The following HSPA4L variants were observed in gnomAD, a reference collection of about 807,000 sequenced individuals.
HSPA4L encodes heat shock 70 kDa protein 4L.
A neutral mutation model predicts 100.3 loss-of-function variants in HSPA4L; 48 were observed. The ratio of observed to expected loss-of-function variants is 0.48; its 90% CI spans 0.38 to 0.61. The LOEUF is 0.61. Ranked by LOEUF, HSPA4L falls within the 20% of genes least tolerant of loss-of-function variation. The probability of loss-of-function intolerance (pLI) is 0.00; values close to 1 mark genes in which losing one functional copy is unlikely to be tolerated. For missense variants in HSPA4L, 886 were observed against 988.6 expected, an observed-to-expected ratio of 0.90 and a Z score of 1.39; for synonymous variants, 319 against 328.2, an observed-to-expected ratio of 0.97 and a Z score of 0.30.
At chr4:127,798,888 A>G (rs1223244241) in intron 4 of HSPA4L, among the ~76,000 whole-genome samples, 179 bp downstream of exon 4, 1 of 152,224 alleles carries the variant, frequency 6.6e-6, no homozygotes, top group African/African-American at 2.4e-5. Flanking sequence ...TGAATTTCCC[A>G]TAAAATCAAT....
intron 2 of HSPA4L, among the ~76,000 whole-genome samples, chr4:127,794,437 T>A (rs968357508): frequency 6.6e-6 from 1 of 152,074 alleles, no homozygotes; most frequent in Non-Finnish European, 1.5e-5. Context: ...ATGAGGGATA[T>A]TCTGTCTAGA....
Position 127,788,002 on chromosome 4 carries a change from A to G in HSPA4L, c.107+5345A>G, listed in dbSNP as rs534231735. On this transcript the variant is annotated intron_variant, in intron 1 of 18. Coordinates refer to ENST00000296464, the MANE Select transcript of HSPA4L (RefSeq NM_014278.4). ...CTCCTGGTCTAAACAATTATAACCA[A>G]AAGAATTTTAACATTGTTACGCATT... 5.3e-5 allele frequency among the ~76,000 whole-genome samples: 8 copies of G among 152,306 alleles called. No homozygotes were observed. The South Asian group carries it at 1.5e-3, about 28-fold the overall frequency.
intron 1 of HSPA4L, chr4:127,783,767 C>A: frequency 8.9e-7 from 1 of 1,124,878 alleles, no homozygotes; most frequent in South Asian, 1.4e-5. Flanking sequence ...GTCCAATGGT[C>A]TTTAAATGCC....
chr4:127,818,867 C>G (rs1167419014), intron 13 of HSPA4L, among the ~76,000 whole-genome samples: 10 of 150,592 alleles, frequency 6.6e-5, no homozygotes, highest in African/African-American at 2.4e-4. Context: ...CACATGTGCC[C>G]TTGAACTTAA....
At position 127,832,901 on chromosome 4, in the gene HSPA4L, C is replaced by G. The variant is rs1446002574; in HGVS notation, c.*27C>G. On this transcript the variant is annotated 3_prime_UTR_variant, in exon 19 of 19. Transcript: ENST00000296464. ...TCTTAATTTTACCTTCACATTAATT[C>G]AAACCGTGCAAGTAACCACGGGGTC... 6.5e-7 allele frequency: 1 copy of G among 1,543,006 alleles called. No individual in the cohort carries two copies. Among genetic ancestry groups the G allele is most frequent in the Non-Finnish European group, 8.8e-7 (1 of 1,133,996 alleles).
chr4:127,832,691 T>A lies in HSPA4L; in HGVS notation c.2337T>A (p.Asp779Glu). 1 of 1,604,378 alleles carries A rather than the reference T, an allele frequency of 6.2e-7. No individual in the cohort carries two copies. The highest frequency in any genetic ancestry group is 8.5e-7 in the Non-Finnish European group (1 of 1,175,900). Reference protein sequence around the residue: ...SEIVAKSKELDNFCNPIIYKP... With the variant: ...SEIVAKSKELENFCNPIIYKP... ...TTTCTTCATGTCTTTAGGAACTGGA[T>A]AATTTCTGTAACCCCATCATTTACA... Residue 779 changes from aspartate (D) to glutamate (E), a missense_variant, in exon 19 of 19, where the codon GAT (aspartate) becomes GAA (glutamate). Physicochemically the swap from Asp to Glu is conservative, Grantham distance 45. Coordinates refer to ENST00000296464, the MANE Select transcript of HSPA4L (RefSeq NM_014278.4).
intron 14 of HSPA4L, among the ~76,000 whole-genome samples, chr4:127,821,942 G>T (rs570411297): frequency 3.9e-5 from 6 of 152,132 alleles, no homozygotes; most frequent in Admixed American, 2.6e-4. Context: ...GTTTTCTTTT[G>T]TTTTTTAACA....
intron 1 of HSPA4L, among the ~76,000 whole-genome samples, chr4:127,789,803 T>G (rs1732823211): frequency 6.6e-6 from 1 of 152,186 alleles, no homozygotes; most frequent in Admixed American, 6.5e-5. Context: ...CAGCCTAATA[T>G]GTGTTATAAT....
intron 1 of HSPA4L, chr4:127,783,707 T>C (rs2076640865): frequency 6.6e-7 from 1 of 1,524,906 alleles, no homozygotes; most frequent in African/African-American, 1.4e-5. Context: ...ATTTGACCGT[T>C]CTGAATGGTC....
At chr4:127,820,633 T>C in intron 14 of HSPA4L, 68 bp downstream of exon 14, 1 of 1,472,032 alleles carries the variant, frequency 6.8e-7, no homozygotes, top group Non-Finnish European at 9.3e-7. Context: ...AAGTCAATGA[T>C]TATCTCCAAA....
chr4:127,829,816 T>C (rs920168157), intron 17 of HSPA4L, among the ~76,000 whole-genome samples: 1 of 150,792 alleles, frequency 6.6e-6, no homozygotes, highest in African/African-American at 2.4e-5. Flanking sequence ...TGAATGAGGA[T>C]GAACTGGCAA....
rs1413967885 is a variant in HSPA4L, at chr4:127,835,732, C to A, written c.*2858C>A. 1 of 150,440 alleles carries A rather than the reference C, an allele frequency of 6.6e-6. No homozygotes were observed. Among genetic ancestry groups the A allele is most frequent in the Non-Finnish European group, 1.5e-5 (1 of 67,554 alleles). The allele number at this position is 150,440 out of a possible 1,614,324, so 9.3% of individuals were successfully genotyped here. ...AAAAAACAAAAATTCTTCCAAAAAA[C>A]TAGAAAGAGCACAGCAAAGAATTTG... On this transcript the variant is annotated 3_prime_UTR_variant, in exon 19 of 19. Transcript: ENST00000296464.
At chr4:127,801,325 A>G in intron 5 of HSPA4L, 88 bp downstream of exon 5, 4 of 915,796 alleles carry the variant, frequency 4.4e-6, no homozygotes, top group South Asian at 1.7e-5. Context: ...TTTTTTTTTA[A>G]CTCCAAGGCA....
At chr4:127,782,843 C>G (rs974759818) in intron 1 of HSPA4L, among the ~76,000 whole-genome samples, 186 bp downstream of exon 1, 2 of 152,104 alleles carry the variant, frequency 1.3e-5, no homozygotes, top group Non-Finnish European at 2.9e-5. Context: ...CTTCCTCGCC[C>G]CGCAAAGCTT....
chr4:127,797,921 A>G (rs10493145), intron 3 of HSPA4L, among the ~76,000 whole-genome samples: 12,356 of 152,142 alleles, frequency 0.081, 984 homozygotes, highest in East Asian at 0.26. Context: ...TCATGCCTCC[A>G]AAAGTCAGAT....
intron 11 of HSPA4L, 93 bp downstream of exon 11, chr4:127,808,222 G>A: frequency 9.9e-6 from 10 of 1,007,484 alleles, no homozygotes; most frequent in Non-Finnish European, 1.5e-5. Context: ...TTTCAGCTAA[G>A]CCAGTATGGG....
At chr4:127,796,782 A>G (rs951420395) in intron 3 of HSPA4L, among the ~76,000 whole-genome samples, 2 of 152,184 alleles carry the variant, frequency 1.3e-5, no homozygotes, top group African/African-American at 4.8e-5. Context: ...CATAGAAACA[A>G]AGTCAGATTA....
In HSPA4L at chr4:127,811,523, A is replaced by G. The variant is rs201276222; in HGVS notation, c.1465A>G (p.Ile489Val). ...KVKVRVNIHG[I>V]FSVASASVIE... ...TAAAGTTCGTGTTAACATCCATGGA[A>G]TCTTCAGTGTGGCTAGCGCATCAGT... is the stretch of plus-strand genomic sequence containing the variant. Residue 489 changes from isoleucine (I) to valine (V), a missense_variant, in exon 12 of 19, where the codon ATC becomes GTC. Ile to Val is a conservative substitution (Grantham distance 29). Coordinates refer to ENST00000296464, the MANE Select transcript of HSPA4L (RefSeq NM_014278.4). 32 of 1,614,044 alleles carry G rather than the reference A, an allele frequency of 2.0e-5. No individual in the cohort carries two copies. The Admixed American group carries it at 2.7e-4, about 13-fold the overall frequency.
intron 12 of HSPA4L, among the ~76,000 whole-genome samples, chr4:127,812,560 C>G (rs1733564353): frequency 6.6e-6 from 1 of 151,956 alleles, no homozygotes; most frequent in Admixed American, 6.6e-5. Flanking sequence ...TATGTGTGCT[C>G]CTCATGAATT....
Sources: allele counts gnomAD v4.1 joint callset (sites outside exome capture counted in the v4.1 genomes callset), GRCh38; gene constraint gnomAD v4.1.1; transcripts MANE v1.5; gene names NCBI Gene and HGNC (gene_info 2026-07-23, HGNC 2026-07-21).